Variants in FAR2 observed in about 807,000 individuals in gnomAD.
FAR2 encodes epididymis secretory protein Li 81.
A neutral mutation model predicts 56.0 loss-of-function variants in FAR2; 19 were observed. The ratio of observed to expected loss-of-function variants is 0.34; its 90% CI spans 0.24 to 0.50. FAR2 has a LOEUF of 0.50. FAR2 is among the 20% of genes least tolerant of loss of function. The pLI is 0.98. For missense variants in FAR2, 508 were observed against 642.2 expected, an observed-to-expected ratio of 0.79 and a Z score of 2.26; for synonymous variants, 219 against 218.8, an observed-to-expected ratio of 1.00 and a Z score of -0.01.
chr12:29,306,695 G>C (rs966215720), intron 4 of FAR2, among the ~76,000 whole-genome samples: 3 of 152,188 alleles, frequency 2.0e-5, no homozygotes, highest in African/African-American at 7.2e-5. Context: ...TTCTTAGAGA[G>C]GTGTAGATAG....
At chr12:29,235,593 G>A (rs558507435) in intron 1 of FAR2, among the ~76,000 whole-genome samples, 13 of 152,310 alleles carry the variant, frequency 8.5e-5, no homozygotes, top group South Asian at 8.3e-4. Flanking sequence ...CAATGGCTGA[G>A]CTTTTTTCTC....
intron 1 of FAR2, among the ~76,000 whole-genome samples, chr12:29,263,618 C>T (rs558205890): frequency 5.3e-5 from 8 of 150,592 alleles, no homozygotes; most frequent in African/African-American, 1.9e-4. Context: ...CATACCGAAA[C>T]CTATGGGATA....
intron 1 of FAR2, among the ~76,000 whole-genome samples, chr12:29,158,261 T>C (rs939165824): frequency 1.3e-5 from 2 of 152,226 alleles, no homozygotes; most frequent in African/African-American, 2.4e-5. Context: ...TTCACTTGTG[T>C]TTTGTTTACA....
In FAR2 at chr12:29,182,279, G is replaced by T. The variant is rs550763968; in HGVS notation, c.-39+32872G>T. Among the ~76,000 whole-genome samples, 126 of 152,352 alleles carry T rather than the reference G, an allele frequency of 8.3e-4. 1 individual carries two copies. Among genetic ancestry groups the T allele is most frequent in the African/African-American group, 2.9e-3 (119 of 41,594 alleles). On this transcript the variant is annotated intron_variant, in intron 1 of 11. Coordinates refer to ENST00000536681, the MANE Select transcript of FAR2 (RefSeq NM_001271783.2). The stretch of plus-strand genomic sequence containing the variant: ...GTATGGAAGGGGACCCGAGTGGGTT[G>T]CAGCTGCTGGCTGCAGTGGCCAGCT...
chr12:29,289,662 C>T (rs1016665576), intron 2 of FAR2, among the ~76,000 whole-genome samples: 1 of 152,152 alleles, frequency 6.6e-6, no homozygotes, highest in African/African-American at 2.4e-5. Flanking sequence ...CCCACAAGCA[C>T]AGGCAACCAA....
At chr12:29,184,067 T>G (rs1248666846) in intron 1 of FAR2, among the ~76,000 whole-genome samples, 3 of 152,222 alleles carry the variant, frequency 2.0e-5, no homozygotes, top group Non-Finnish European at 4.4e-5. Flanking sequence ...TAAAGAGTGG[T>G]ACCCTTTAAA....
chr12:29,248,915 G>A (rs972486429), intron 1 of FAR2, among the ~76,000 whole-genome samples: 5 of 152,206 alleles, frequency 3.3e-5, no homozygotes, highest in South Asian at 2.1e-4. Context: ...GCTCACCGGC[G>A]GTCAGAGTTT....
intron 1 of FAR2, among the ~76,000 whole-genome samples, chr12:29,260,869 A>C (rs532384186): frequency 6.6e-6 from 1 of 150,910 alleles, no homozygotes; most frequent in Non-Finnish European, 1.5e-5. Flanking sequence ...GATCTTACCC[A>C]AGGCCCCCAA....
intron 1 of FAR2, among the ~76,000 whole-genome samples, chr12:29,268,830 G>A (rs1048324686): frequency 5.9e-5 from 9 of 152,176 alleles, no homozygotes; most frequent in South Asian, 4.1e-4. Context: ...ATCACATGTC[G>A]GTAGGTTCCA....
intron 3 of FAR2, among the ~76,000 whole-genome samples, chr12:29,295,301 T>G (rs1949042923): frequency 6.6e-6 from 1 of 152,192 alleles, no homozygotes. Context: ...CTTGAACTCC[T>G]GACCTCAGGT....
intron 2 of FAR2, 79 bp downstream of exon 2, chr12:29,270,717 C>T (rs944139521): frequency 1.6e-5 from 21 of 1,277,928 alleles, no homozygotes; most frequent in Non-Finnish European, 2.0e-5. Flanking sequence ...CTTATAGTCT[C>T]ATATTGCAAG....
intron 1 of FAR2, among the ~76,000 whole-genome samples, chr12:29,264,630 A>AATAC (rs1948479955): frequency 1.7e-5 from 2 of 118,814 alleles, no homozygotes; most frequent in African/African-American, 7.1e-5. Context: ...TAAATAAATA[A>AATAC]ATAAATAAAT....
chr12:29,201,256 TAC>T (rs1313010579), intron 1 of FAR2, among the ~76,000 whole-genome samples: 1 of 152,200 alleles, frequency 6.6e-6, no homozygotes, highest in Non-Finnish European at 1.5e-5. Flanking sequence ...CTCTTAGAAT[TAC>T]AGTCTTTTCT....
At chr12:29,157,117 T>G (rs866327940) in intron 1 of FAR2, 6 of 126,268 alleles carry the variant, frequency 4.8e-5, no homozygotes, top group Non-Finnish European at 9.6e-5. Context: ...TATATATATA[T>G]ATATATATAT....
chr12:29,153,797 T>C (rs368604003), intron 1 of FAR2, among the ~76,000 whole-genome samples: 41 of 152,064 alleles, frequency 2.7e-4, no homozygotes, highest in African/African-American at 9.4e-4. Context: ...ATAGATTGGA[T>C]ATGGGAGGTG....
At chr12:29,198,026 G>A (rs1157342724) in intron 1 of FAR2, among the ~76,000 whole-genome samples, 1 of 152,146 alleles carries the variant, frequency 6.6e-6, no homozygotes, top group East Asian at 1.9e-4. Flanking sequence ...TGTATTTCAA[G>A]TAGATGTGAC....
intron 2 of FAR2, among the ~76,000 whole-genome samples, chr12:29,273,556 C>T (rs1379378576): frequency 6.6e-6 from 1 of 152,206 alleles, no homozygotes; most frequent in Non-Finnish European, 1.5e-5. Flanking sequence ...ATGGGTGCCA[C>T]CCTTCCCCTG....
chr12:29,195,816 T>C (rs762130779), intron 1 of FAR2, among the ~76,000 whole-genome samples: 9 of 152,284 alleles, frequency 5.9e-5, no homozygotes, highest in Non-Finnish European at 1.3e-4. Flanking sequence ...ACTCAAATAA[T>C]GTACATTTTA....
At chr12:29,219,255 G>A (rs1287568953) in intron 1 of FAR2, among the ~76,000 whole-genome samples, 2 of 152,042 alleles carry the variant, frequency 1.3e-5, no homozygotes, top group African/African-American at 4.8e-5. Context: ...ATTTATATGA[G>A]GATCAAACAG....
Sources: allele counts gnomAD v4.1 joint callset (sites outside exome capture counted in the v4.1 genomes callset), GRCh38; gene constraint gnomAD v4.1.1; transcripts MANE v1.5; gene names NCBI Gene and HGNC (gene_info 2026-07-23, HGNC 2026-07-21).